The following TDRD12 variants were observed in gnomAD, a reference collection of about 807,000 sequenced individuals.
The protein encoded by TDRD12 is tudor domain containing 12.
In TDRD12, 158 loss-of-function variants were observed where a neutral mutation model predicts 133.5. The ratio of observed to expected loss-of-function variants is 1.18; its 90% CI spans 1.04 to 1.35. The LOEUF is 1.35. Among genes scored for constraint, TDRD12 ranks in the 40% most tolerant of loss-of-function variants. TDRD12 has a pLI of 0.00. For missense variants in TDRD12, 1,443 were observed against 1,321.3 expected, an observed-to-expected ratio of 1.09 and a Z score of -1.43; for synonymous variants, 460 against 477.9, an observed-to-expected ratio of 0.96 and a Z score of 0.49.
downstream of TDRD12, among the ~76,000 whole-genome samples, chr19:32,823,588 TGA>T (rs1449575943): frequency 2.0e-5 from 3 of 152,154 alleles, no homozygotes; most frequent in Non-Finnish European, 2.9e-5. Flanking sequence ...CGTGGGGGAC[TGA>T]ATGTAGCTGT....
Position 32,780,697 on chromosome 19 carries a change from G to A in TDRD12, c.1121+3468G>A, listed in dbSNP as rs1238535984. ...TGGGCTGTGAGCAGGTGAGTGCTGC[G>A]GAGCTCTGCAGTCACACAGCACGGC... On this transcript the variant is annotated intron_variant, in intron 11 of 27. Transcript: ENST00000444215. Among the ~76,000 whole-genome samples, 4 of 152,242 alleles carry A rather than the reference G, an allele frequency of 2.6e-5. No individual in the cohort carries two copies. In the East Asian group the frequency reaches 7.7e-4, roughly 29 times the overall value.
chr19:32,778,876 T>A (rs1970683808), intron 11 of TDRD12, among the ~76,000 whole-genome samples: 1 of 152,232 alleles, frequency 6.6e-6, no homozygotes, highest in Admixed American at 6.5e-5. Flanking sequence ...TAAAATGCCC[T>A]TTACTTAGAA....
At chr19:32,826,072 G>A, downstream of TDRD12, 1 of 1,532,146 alleles carries the variant, frequency 6.5e-7, no homozygotes, top group Non-Finnish European at 8.7e-7. Context: ...TAACCTGTAG[G>A]AAAATATGAC....
intron 21 of TDRD12, among the ~76,000 whole-genome samples, chr19:32,805,247 G>A (rs941482668): frequency 1.1e-4 from 17 of 148,982 alleles, no homozygotes; most frequent in Non-Finnish European, 2.1e-4. Context: ...GCCAGCTGTG[G>A]TGGCACATGT....
chr19:32,759,993 T>G (rs1259755343), intron 8 of TDRD12, among the ~76,000 whole-genome samples: 1 of 152,094 alleles, frequency 6.6e-6, no homozygotes, highest in Non-Finnish European at 1.5e-5. Context: ...TTGTAGGGGG[T>G]CCCCAGGTGA....
chr19:32,759,143 A>G (rs1970079486), intron 8 of TDRD12, among the ~76,000 whole-genome samples: 1 of 152,168 alleles, frequency 6.6e-6, no homozygotes, highest in Admixed American at 6.5e-5. Flanking sequence ...TCAAGAACTT[A>G]TTTGCTGCAT....
chr19:32,823,057 G>C (rs572878719), downstream of TDRD12, among the ~76,000 whole-genome samples: 1 of 152,286 alleles, frequency 6.6e-6, no homozygotes, highest in South Asian at 2.1e-4. Context: ...CTCTGCTGTG[G>C]TCCCTCATTC....
intron 3 of TDRD12, 103 bp from the exon 4 acceptor site, chr19:32,742,678 G>T (rs1969466476): frequency 1.7e-6 from 2 of 1,211,204 alleles, no homozygotes; most frequent in Non-Finnish European, 2.3e-6. Context: ...TTTTTTGTGT[G>T]TTTTGTTTTA....
chr19:32,818,729 G>A (rs1967273580), intron 27 of TDRD12, among the ~76,000 whole-genome samples: 1 of 152,166 alleles, frequency 6.6e-6, no homozygotes, highest in Non-Finnish European at 1.5e-5. Context: ...GGAGCATGGA[G>A]TAGGGTGGGG....
chr19:32,743,669 A>G (rs1198140879), intron 4 of TDRD12, among the ~76,000 whole-genome samples: 5 of 151,336 alleles, frequency 3.3e-5, no homozygotes, highest in African/African-American at 7.4e-5. Flanking sequence ...TTTTACACAC[A>G]CTTATCTATG....
intron 8 of TDRD12, among the ~76,000 whole-genome samples, chr19:32,772,425 A>G (rs1445808060): frequency 6.6e-6 from 1 of 152,214 alleles, no homozygotes; most frequent in African/African-American, 2.4e-5. Context: ...GCAGAGTCGC[A>G]TTGTAAGAAG....
intron 25 of TDRD12, 67 bp from the exon 26 acceptor site, chr19:32,815,381 A>C: frequency 7.5e-7 from 1 of 1,334,062 alleles, no homozygotes; most frequent in Non-Finnish European, 1.0e-6. Context: ...GCCCTGTGGG[A>C]ATGTCTATGC....
At chr19:32,821,385 T>C (rs1001200214), downstream of TDRD12, 5 of 368,266 alleles carry the variant, frequency 1.4e-5, no homozygotes, top group Non-Finnish European at 1.8e-5. Flanking sequence ...TGTGTGTGTG[T>C]GTGTGTGTGT....
chr19:32,798,801 GCTT>G (rs1353747205), intron 16 of TDRD12, among the ~76,000 whole-genome samples: 1 of 152,132 alleles, frequency 6.6e-6, no homozygotes, highest in African/African-American at 2.4e-5. Context: ...TGGAGTATTT[GCTT>G]CTTTTTCTTT....
At chr19:32,777,865 T>A (rs71351196) in intron 11 of TDRD12, among the ~76,000 whole-genome samples, 50 of 59,298 alleles carry the variant, frequency 8.4e-4, no homozygotes, top group Non-Finnish European at 1.1e-3. Flanking sequence ...ATATTTTTTT[T>A]TTTTTTTTTT....
chr19:32,814,442 G>A (rs1967108215), intron 25 of TDRD12, among the ~76,000 whole-genome samples: 1 of 152,208 alleles, frequency 6.6e-6, no homozygotes, highest in Non-Finnish European at 1.5e-5. Context: ...TTTTTATGAG[G>A]TTGGAAAAGT....
rs1967153623 is a variant in TDRD12, at chr19:32,815,654, T to G, written c.3314+34T>G. 2.6e-6 allele frequency: 4 copies of G among 1,512,930 alleles called. No individual in the cohort carries two copies. In the East Asian group the frequency reaches 9.8e-5, roughly 37 times the overall value. The allele number at this position is 1,512,930 out of a possible 1,614,324, so 93.7% of individuals were successfully genotyped here. On this transcript the variant is annotated intron_variant, in intron 26 of 27. Transcript: ENST00000444215. ...ATTTCTGTCTCCTTTTTGGAAGAGT[T>G]GTTTTTTGGAAATACAACTCACAAG...
chr19:32,772,353 G>C (rs1970464956), intron 8 of TDRD12, among the ~76,000 whole-genome samples: 1 of 152,162 alleles, frequency 6.6e-6, no homozygotes, highest in African/African-American at 2.4e-5. Context: ...CCACTTCTGG[G>C]TGGGTTATGA....
At chr19:32,771,017 G>T (rs1252649731) in intron 8 of TDRD12, among the ~76,000 whole-genome samples, 4 of 152,132 alleles carry the variant, frequency 2.6e-5, no homozygotes, top group Non-Finnish European at 5.9e-5. Flanking sequence ...GGTTTATTTG[G>T]CTCACAGTTG....
Sources: allele counts gnomAD v4.1 joint callset (sites outside exome capture counted in the v4.1 genomes callset), GRCh38; gene constraint gnomAD v4.1.1; transcripts MANE v1.5; gene names NCBI Gene and HGNC (gene_info 2026-07-23, HGNC 2026-07-21).